DNAH10: variants seen among roughly 807,000 people sequenced by gnomAD.
The protein encoded by DNAH10 is axonemal beta dynein heavy chain 10.
Under a neutral mutation model 506.6 loss-of-function variants are expected in DNAH10, and 348 were observed. The ratio of observed to expected loss-of-function variants is 0.69; its 90% CI spans 0.63 to 0.75. DNAH10 has a LOEUF of 0.75. DNAH10 is among the 30% of genes least tolerant of loss of function. DNAH10 has a pLI of 0.00. For synonymous variants in DNAH10, 2,059 were observed against 2,198.6 expected (o/e 0.94, Z 1.78); for missense variants, 5,179 against 5,787.1 (o/e 0.89, Z 3.41).
At position 123,852,357 on chromosome 12, in the gene DNAH10, A is replaced by G. The variant is rs1594196657; in HGVS notation, c.6292-849A>G. Among the ~76,000 whole-genome samples the G allele has an allele frequency of 5.3e-5, 8 of 152,324 alleles. No individual in the cohort carries two copies. The South Asian group carries it at 1.0e-3, about 20-fold the overall frequency. The stretch of plus-strand genomic sequence containing the variant: ...CTGGAAAAGTTACAAAATAGAGAAT[A>G]CTTTTAACATAGAGGGTTGTCACAT... On this transcript the variant is annotated intron_variant, in intron 35 of 78. Coordinates refer to ENST00000673944, the MANE Select transcript of DNAH10 (RefSeq NM_001372106.1).
chr12:123,845,286 C>T lies in DNAH10; in HGVS notation c.5361-314C>T, dbSNP rs375239771. Reference sequence around the variant, plus strand: ...GTGTTGGGTTTACAGGCGTGAGCTACCACGACTGGCCCCAAACATTTAAAA... The same window carrying T: ...GTGTTGGGTTTACAGGCGTGAGCTATCACGACTGGCCCCAAACATTTAAAA... On this transcript the variant is annotated intron_variant, in intron 30 of 78. Coordinates refer to ENST00000673944, the MANE Select transcript of DNAH10 (RefSeq NM_001372106.1). Among the ~76,000 whole-genome samples, 5 of 152,314 alleles carry T rather than the reference C, an allele frequency of 3.3e-5. 1 individual carries two copies. Among genetic ancestry groups the T allele is most frequent in the Middle Eastern group, 3.4e-3 (1 of 294 alleles).
At chr12:123,908,536 G>C (rs1333995861) in intron 57 of DNAH10, 1 of 455,982 alleles carries the variant, frequency 2.2e-6, no homozygotes, top group Non-Finnish European at 4.4e-6. Flanking sequence ...CACTGACCTT[G>C]CCTGGCAGTG....
At chr12:123,908,801 A>G (rs1284145386) in intron 57 of DNAH10, among the ~76,000 whole-genome samples, 1 of 152,100 alleles carries the variant, frequency 6.6e-6, no homozygotes, top group Non-Finnish European at 1.5e-5. Context: ...CCAGTCATGC[A>G]AGCTCCCAGG....
intron 29 of DNAH10, among the ~76,000 whole-genome samples, chr12:123,839,213 A>T (rs1197423382): frequency 6.8e-6 from 1 of 147,400 alleles, no homozygotes; most frequent in Non-Finnish European, 1.5e-5. Context: ...CTTTTTATAA[A>T]CTAAAAAAAA....
At position 123,881,708 on chromosome 12, in the gene DNAH10, G is replaced by A; in HGVS notation, c.8718G>A (p.Val2906=). 1.9e-6 allele frequency: 3 copies of A among 1,550,038 alleles called. No individual in the cohort carries two copies. The highest frequency in any genetic ancestry group is 1.7e-6 in the Non-Finnish European group (2 of 1,146,470). ...FDDALEHLTR[V]HRIIRMDRGH... is the part of the protein sequence containing the mutation. ...ATGCTCTGGAGCATTTAACCCGGGTGCACCGTATCATCCGCATGGACCGCG... is the reference window on the plus strand; with the variant it reads ...ATGCTCTGGAGCATTTAACCCGGGTACACCGTATCATCCGCATGGACCGCG... Residue 2906 remains valine (V), a synonymous_variant, in exon 51 of 79, where the codon GTG becomes GTA. Coordinates refer to ENST00000673944, the MANE Select transcript of DNAH10 (RefSeq NM_001372106.1).
chr12:123,771,768 A>G, intron 3 of DNAH10, 70 bp downstream of exon 3: 1 of 1,265,480 alleles, frequency 7.9e-7, no homozygotes. Context: ...ATTCAGGGTA[A>G]CTGACATAGC....
Position 123,826,712 on chromosome 12 carries a change from C to T in DNAH10, c.4205C>T (p.Thr1402Ile). ...GTTGCAAAAGAAGAATGGTCTCAGA[C>T]CCTTTGGATCAACCTGAATGTGCAG... ...LKVAKEEWSQ[T>I]LWINLNVQIL... The change falls in exon 25 of 79, where the codon ACC becomes ATC. Residue 1402 changes from threonine to isoleucine, a missense_variant. Around this residue, in one of 3 missense-constraint regions of DNAH10, gnomAD observed 4,844 missense variants for 5,430.5 expected, o/e 0.89. Coordinates refer to ENST00000673944, the MANE Select transcript of DNAH10 (RefSeq NM_001372106.1). 6.2e-7 allele frequency: 1 copy of T among 1,613,694 alleles called. No homozygotes were observed. The highest frequency in any genetic ancestry group is 1.3e-5 in the African/African-American group (1 of 75,028).
In DNAH10 at chr12:123,904,250, G is replaced by A. The variant is rs575935361; in HGVS notation, c.9815+1137G>A. 1.2e-3 allele frequency among the ~76,000 whole-genome samples: 184 copies of A among 152,220 alleles called. 2 individuals carry two copies. The Middle Eastern group carries it at 0.02, about 17-fold the overall frequency. Reference sequence around the variant, plus strand: ...TGGTGTCAAGGAGGGTATAAGGATCGATGTATTAAAACTTCAGCACTAGGC... The same window carrying A: ...TGGTGTCAAGGAGGGTATAAGGATCAATGTATTAAAACTTCAGCACTAGGC... On this transcript the variant is annotated intron_variant, in intron 57 of 78. Transcript: ENST00000673944.
At position 123,918,721 on chromosome 12, in the gene DNAH10, G is replaced by A. The variant is rs1412769384; in HGVS notation, c.11278G>A (p.Asp3760Asn). The A allele has an allele frequency of 3.8e-6, 6 of 1,593,100 alleles. No homozygotes were observed. The highest frequency in any genetic ancestry group is 3.4e-5 in the South Asian group (3 of 89,312). Reference sequence around the variant, plus strand: ...GGCGGAGAAGACAGCCTTGGACATCGACAGGCTGCGGGATGGCTACCGGCC... The same window carrying A: ...GGCGGAGAAGACAGCCTTGGACATCAACAGGCTGCGGGATGGCTACCGGCC... Reference protein sequence around the residue: ...KLAEKTALDIDRLRDGYRPAA... With the variant: ...KLAEKTALDINRLRDGYRPAA... Residue 3760 changes from aspartate (D) to asparagine (N), a missense_variant, in exon 65 of 79, where the codon GAC becomes AAC. Around this residue, in one of 3 missense-constraint regions of DNAH10, gnomAD observed 4,844 missense variants for 5,430.5 expected, o/e 0.89. Transcript: ENST00000673944.
chr12:123,767,178 G>A (rs1957079806), intron 1 of DNAH10, among the ~76,000 whole-genome samples: 5 of 152,108 alleles, frequency 3.3e-5, no homozygotes, highest in Admixed American at 3.3e-4. Flanking sequence ...AAAGTGCTGG[G>A]ATTACAGGCA....
At chr12:123,849,743 G>A (rs1951087753) in intron 34 of DNAH10, among the ~76,000 whole-genome samples, 1 of 152,188 alleles carries the variant, frequency 6.6e-6, no homozygotes. Flanking sequence ...CCCCATTCCA[G>A]GATGAAAATT....
In DNAH10 at chr12:123,793,995, A is replaced by T; in HGVS notation, c.1869A>T (p.Arg623=). The change falls in exon 12 of 79, where the codon CGA becomes CGT. Residue 623 remains arginine (R), a synonymous_variant. Coordinates refer to ENST00000673944, the MANE Select transcript of DNAH10 (RefSeq NM_001372106.1). ...HFIDESFKTL[R]SAEAAFDMLL... ...TTGATGAATCTTTTAAGACGCTTCGATCTGCTGAAGCAGCATTTGACATGC... is the reference window on the plus strand; with the variant it reads ...TTGATGAATCTTTTAAGACGCTTCGTTCTGCTGAAGCAGCATTTGACATGC... 1.6e-6 allele frequency: 2 copies of T among 1,278,056 alleles called. No homozygotes were observed. The highest frequency in any genetic ancestry group is 1.0e-6 in the Non-Finnish European group (1 of 981,858). The allele number at this position is 1,278,056 out of a possible 1,614,324, so 79.2% of individuals were successfully genotyped here. A position where few individuals can be genotyped will look rare whatever the true frequency, so the allele number is the denominator to read the frequency against.
chr12:123,785,346 C>T lies in DNAH10; in HGVS notation c.1231-400C>T, dbSNP rs1594015791. Reference sequence around the variant, plus strand: ...TTTATGTACTTAATGTGCTTATTGTCAATTTCATATTGTTGGTGAAATGTC... The same window carrying T: ...TTTATGTACTTAATGTGCTTATTGTTAATTTCATATTGTTGGTGAAATGTC... On this transcript the variant is annotated intron_variant, in intron 8 of 78. Coordinates refer to ENST00000673944, the MANE Select transcript of DNAH10 (RefSeq NM_001372106.1). This position sits in a 1 kb window ranked among gnomAD's most constrained non-coding sequence, Gnocchi z 4.1. Among the ~76,000 whole-genome samples the T allele has an allele frequency of 6.6e-6, 1 of 152,158 alleles. No individual in the cohort carries two copies. Among genetic ancestry groups the T allele is most frequent in the Admixed American group, 6.5e-5 (1 of 15,270 alleles).
At chr12:123,934,961 T>G in intron 78 of DNAH10, 195 bp downstream of exon 78, 1 of 704,152 alleles carries the variant, frequency 1.4e-6, no homozygotes, top group Non-Finnish European at 2.3e-6. Flanking sequence ...TATGTGTGTG[T>G]GGATGCCGGT....
In DNAH10 at chr12:123,916,553, G is replaced by A. The variant is rs1954487677; in HGVS notation, c.10819G>A (p.Asp3607Asn). ...FLFRDVDEYI[D>N]PVIDNVLEKN... ...GTTCCGCGATGTTGATGAATACATC[G>A]ATCCTGTGATTGACAACGTCTTAGA... Residue 3607 changes from aspartate to asparagine, a missense_variant, in exon 63 of 79, where the codon GAT becomes AAT. Transcript: ENST00000673944. The surrounding 1 kb of genome is among the most constrained non-coding windows in gnomAD (Gnocchi z 4.6). 6.8e-6 allele frequency: 11 copies of A among 1,613,810 alleles called. No homozygotes were observed. The highest frequency in any genetic ancestry group is 1.7e-5 in the Admixed American group (1 of 60,012).
chr12:123,800,797 T>C (rs1958455309), intron 15 of DNAH10, among the ~76,000 whole-genome samples: 1 of 152,092 alleles, frequency 6.6e-6, no homozygotes, highest in African/African-American at 2.4e-5. Context: ...GGCGGGCAGA[T>C]CATGAGGTCA....
Position 123,926,718 on chromosome 12 carries a change from T to C in DNAH10, c.12003T>C (p.Ser4001=), listed in dbSNP as rs1594402317. Residue 4001 remains serine, a synonymous_variant, in exon 69 of 79, where the codon AGT becomes AGC. Transcript: ENST00000673944. This position sits in a 1 kb window ranked among gnomAD's most constrained non-coding sequence, Gnocchi z 4.1. ...TPHSPIVFIL[S]PGSDPATDLM... ...ATTCGCCCATTGTGTTTATCCTGAG[T>C]CCTGGCTCCGACCCTGCCACTGATC... 6.2e-7 allele frequency: 1 copy of C among 1,613,982 alleles called. No homozygotes were observed.
At chr12:123,864,506 G>T in intron 39 of DNAH10, 89 bp from the exon 40 acceptor site, 1 of 1,500,196 alleles carries the variant, frequency 6.7e-7, no homozygotes, top group Admixed American at 2.1e-5. Context: ...CTGGGAAAAA[G>T]ACATTCAACA....
intron 1 of DNAH10, among the ~76,000 whole-genome samples, chr12:123,763,869 CTT>C (rs59694804): frequency 8.3e-5 from 10 of 121,180 alleles, no homozygotes; most frequent in Admixed American, 8.2e-5. Flanking sequence ...CTGGCCACTT[CTT>C]TTTTTTTTTT....
Sources: allele counts gnomAD v4.1 joint callset (sites outside exome capture counted in the v4.1 genomes callset), GRCh38; gene constraint gnomAD v4.1.1; regional missense constraint gnomAD v4.1.1; non-coding constraint Gnocchi (gnomAD v3.1); transcripts MANE v1.5; gene names NCBI Gene and HGNC (gene_info 2026-07-23, HGNC 2026-07-21).